Variants in KDR observed in about 807,000 individuals in gnomAD.
KDR encodes the protein vascular endothelial growth factor receptor 2.
Under a neutral mutation model 160.9 loss-of-function variants are expected in KDR, and 43 were observed. The ratio of observed to expected loss-of-function variants is 0.27; its 90% CI spans 0.21 to 0.34. The LOEUF (loss-of-function observed/expected upper bound fraction) is 0.34, where lower values mean the gene tolerates loss of function less well. KDR is among the 10% of genes least tolerant of loss of function. The pLI, the probability that KDR is intolerant of heterozygous loss-of-function variation, is 1.00. For missense variants in KDR, 1,469 were observed against 1,666.4 expected (o/e 0.88, Z 2.06); for synonymous variants, 617 against 600.1 (o/e 1.03, Z -0.41).
intron 1 of KDR, 105 bp from the exon 2 acceptor site, chr4:55,121,295 G>A: frequency 1.3e-6 from 1 of 772,462 alleles, no homozygotes; most frequent in African/African-American, 1.7e-5. Flanking sequence ...GGCCTCTTCA[G>A]CAATTCATTG....
chr4:55,124,898 C>T lies in KDR; in HGVS notation c.67+329G>A, dbSNP rs1410175816. Among the ~76,000 whole-genome samples, 4 of 152,174 alleles carry T rather than the reference C, an allele frequency of 2.6e-5. No homozygotes were observed. In the East Asian group the frequency reaches 5.8e-4, roughly 22 times the overall value. On this transcript the variant is annotated intron_variant, in intron 1 of 29. Coordinates refer to ENST00000263923, the MANE Select transcript of KDR (RefSeq NM_002253.4). ...CTGTTCTCGCCTGCGGAGGCACCTC[C>T]TGCCTGCCAACCCCAGGCGCCTTCC...
At position 55,089,381 on chromosome 4, in the gene KDR, G is replaced by T; in HGVS notation, c.3397C>A (p.Pro1133Thr). ...TACTTCTTAAAGTCTTACATTTCTG[G>T]TGTAGTATAATCAGGGGCCCTCATT... ...TRMRAPDYTTPEMYQTMLDCW... is the reference protein window; with the variant it reads ...TRMRAPDYTTTEMYQTMLDCW... Residue 1133 changes from proline (P) to threonine (T), a missense_variant, in exon 25 of 30, where the codon CCA becomes ACA. Pro to Thr is a conservative substitution (Grantham distance 38, BLOSUM62 -1). Around this residue, in one of 7 missense-constraint regions of KDR, gnomAD observed 132 missense variants for 195.9 expected, o/e 0.67. Coordinates refer to ENST00000263923, the MANE Select transcript of KDR (RefSeq NM_002253.4). 1 of 1,601,822 alleles carries T rather than the reference G, an allele frequency of 6.2e-7. No homozygotes were observed. The highest frequency in any genetic ancestry group is 1.3e-5 in the African/African-American group (1 of 74,798).
chr4:55,118,380 T>G (rs1720784818), intron 3 of KDR, among the ~76,000 whole-genome samples: 1 of 152,140 alleles, frequency 6.6e-6, no homozygotes, highest in Non-Finnish European at 1.5e-5. Context: ...GAAACAAAGA[T>G]CAGACCCAAA....
intron 15 of KDR, among the ~76,000 whole-genome samples, chr4:55,099,130 C>G (rs1024222607): frequency 5.9e-5 from 9 of 152,008 alleles, no homozygotes; most frequent in African/African-American, 1.2e-4. Flanking sequence ...ATTCTCCCCC[C>G]TCAGCCTCCC....
At chr4:55,102,281 C>T (rs540602175) in intron 14 of KDR, 81 bp downstream of exon 14, 3 of 1,503,380 alleles carry the variant, frequency 2.0e-6, no homozygotes, top group Non-Finnish European at 2.8e-6. Flanking sequence ...TTCTACATTA[C>T]ATCAAGAAAT....
At chr4:55,095,837 T>A (rs1296572726) in intron 19 of KDR, among the ~76,000 whole-genome samples, 172 bp from the exon 20 acceptor site, 1 of 152,218 alleles carries the variant, frequency 6.6e-6, no homozygotes, top group Admixed American at 6.5e-5. Context: ...CTTTTCTTTT[T>A]TCCAGAACAC....
intron 29 of KDR, 68 bp downstream of exon 29, chr4:55,081,888 C>CT: frequency 9.1e-7 from 1 of 1,095,836 alleles, no homozygotes. Flanking sequence ...TGCACTTACA[C>CT]TGAAAGTCCT....
chr4:55,098,414 A>C (rs1319334773), intron 16 of KDR, 142 bp from the exon 17 acceptor site: 7 of 1,040,242 alleles, frequency 6.7e-6, no homozygotes, highest in African/African-American at 1.6e-5. Flanking sequence ...GTCCTATTAT[A>C]ACCCTGCTTC....
rs561980415 is a variant in KDR at position 55,115,304 on chromosome 4, T to C, written c.466A>G (p.Asn156Asp). 5.0e-6 allele frequency: 8 copies of C among 1,611,614 alleles called. 1 individual carries two copies. In the South Asian group the frequency reaches 7.7e-5, roughly 15 times the overall value. ...ACTGCACAAAGTGACACGTTGAGAT[T>C]TGAAATGGACCCGAGACATGGAATC... ...VVIPCLGSIS[N>D]LNVSLCARYP... Residue 156 changes from asparagine (N) to aspartate (D), a missense_variant, in exon 4 of 30, where the codon AAT becomes GAT. Coordinates refer to ENST00000263923, the MANE Select transcript of KDR (RefSeq NM_002253.4).
chr4:55,113,517 G>A, intron 6 of KDR, 36 bp from the exon 7 acceptor site: 1 of 1,578,802 alleles, frequency 6.3e-7, no homozygotes, highest in Non-Finnish European at 8.7e-7. Flanking sequence ...CCAAAGCACA[G>A]CATATAACAT....
At chr4:55,097,866 C>T (rs900637932) in intron 17 of KDR, 100 bp from the exon 18 acceptor site, 3 of 895,522 alleles carry the variant, frequency 3.4e-6, no homozygotes, top group African/African-American at 3.3e-5. Context: ...CCATACATCC[C>T]AATTTAACAT....
chr4:55,082,760 A>C (rs1223152020), intron 27 of KDR, 125 bp from the exon 28 acceptor site: 1 of 719,154 alleles, frequency 1.4e-6, no homozygotes, highest in Non-Finnish European at 2.4e-6. Flanking sequence ...AGAAAAACAA[A>C]ACAAAATAAA....
chr4:55,107,548 G>A (rs928317671), intron 10 of KDR, among the ~76,000 whole-genome samples, 189 bp downstream of exon 10: 1 of 152,114 alleles, frequency 6.6e-6, no homozygotes, highest in African/African-American at 2.4e-5. Context: ...AACCCCAAAG[G>A]AGGATACTCC....
Position 55,115,390 on chromosome 4 carries a change from G to A in KDR, c.380C>T (p.Ala127Val), listed in dbSNP as rs1720710472. Residue 127 changes from alanine to valine, a missense_variant, in exon 4 of 30, where the codon GCT (alanine) becomes GTT (valine). By Grantham distance (64) the Ala-to-Val change is moderately conservative (BLOSUM62 0). Around this residue, in one of 7 missense-constraint regions of KDR, gnomAD observed 792 missense variants for 840.9 expected, o/e 0.94. Transcript: ENST00000263923. ...GACTCCATGTTGGTCACTAACAGAA[G>A]CAATAAATGGAGATCTGTAATCTAG... is the stretch of plus-strand genomic sequence containing the variant. ...YVQDYRSPFI[A>V]SVSDQHGVVY... 6.6e-7 allele frequency: 1 copy of A among 1,519,644 alleles called. No individual in the cohort carries two copies. Among genetic ancestry groups the A allele is most frequent in the Non-Finnish European group, 9.1e-7 (1 of 1,094,180 alleles). 94.1% of individuals were successfully genotyped at this position (1,519,644 alleles called of 1,614,324 possible).
chr4:55,105,979 G>A (rs768526702), intron 11 of KDR, 39 bp from the exon 12 acceptor site: 13 of 1,287,554 alleles, frequency 1.0e-5, no homozygotes, highest in East Asian at 9.2e-5. Context: ...CATAAACAAC[G>A]CGGCTGTTTG....
intron 26 of KDR, among the ~76,000 whole-genome samples, chr4:55,088,307 T>C (rs920222579): frequency 2.6e-5 from 4 of 152,186 alleles, no homozygotes; most frequent in Non-Finnish European, 5.9e-5. Context: ...GGTTTATTGA[T>C]AAAAATAGAG....
At chr4:55,093,611 C>T (rs1256847014) in intron 21 of KDR, among the ~76,000 whole-genome samples, 1 of 152,166 alleles carries the variant, frequency 6.6e-6, no homozygotes, top group East Asian at 1.9e-4. Flanking sequence ...AAGCCTAGAC[C>T]ACCTCCCCAT....
intron 13 of KDR, among the ~76,000 whole-genome samples, chr4:55,103,348 T>G (rs943487127): frequency 1.3e-5 from 2 of 152,218 alleles, no homozygotes; most frequent in Non-Finnish European, 2.9e-5. Context: ...AAAATGAGAT[T>G]ACCTCAACAG....
At position 55,104,820 on chromosome 4, in the gene KDR, T is replaced by C; in HGVS notation, c.1810A>G (p.Lys604Glu). The stretch of plus-strand genomic sequence containing the variant: ...AATTTCCAAAGAGTATCCAAGTTCT[T>C]GCAAACAGGTGTGGGCAACTCTCCC... ...HVGELPTPVCKNLDTLWKLNA... is the reference protein window; with the variant it reads ...HVGELPTPVCENLDTLWKLNA... The change falls in exon 13 of 30, where the codon AAG becomes GAG. Residue 604 changes from lysine (K) to glutamate (E), a missense_variant. Coordinates refer to ENST00000263923, the MANE Select transcript of KDR (RefSeq NM_002253.4). 6.2e-7 allele frequency: 1 copy of C among 1,613,980 alleles called. No homozygotes were observed. The highest frequency in any genetic ancestry group is 8.5e-7 in the Non-Finnish European group (1 of 1,179,898).
Sources: gnomAD v4.1 joint callset for allele counts (sites outside exome capture counted in the v4.1 genomes callset) on GRCh38, gnomAD v4.1.1 for gene constraint, gnomAD v4.1.1 regional missense constraint, MANE v1.5 for transcripts, NCBI Gene and HGNC (gene_info 2026-07-23, HGNC 2026-07-21) for gene names.